Variants in PCDH9 observed in about 807,000 individuals in gnomAD.
PCDH9 encodes the protein protocadherin 9, also known as protocadherin-9.
A neutral mutation model predicts 70.6 loss-of-function variants in PCDH9; 24 were observed. The observed-to-expected ratio is 0.34, with a 90% CI of 0.25 to 0.48. The LOEUF (loss-of-function observed/expected upper bound fraction) is 0.48, where lower values mean the gene tolerates loss of function less well. PCDH9 is among the 20% of genes least tolerant of loss of function. The pLI, the probability that PCDH9 is intolerant of heterozygous loss-of-function variation, is 0.99. For synonymous variants in PCDH9, 562 were observed against 558.5 expected (o/e 1.01, Z -0.09); for missense variants, 1,281 against 1,503.6 (o/e 0.85, Z 2.45).
In PCDH9 at chr13:66,453,709, G is replaced by C. The variant is rs111295425; in HGVS notation, c.3341-148681C>G. On this transcript the variant is annotated intron_variant, in intron 4 of 4. Coordinates refer to ENST00000377865, the MANE Select transcript of PCDH9 (RefSeq NM_203487.3). ...GTTTCTGCAGTAGTATAAGGCCCAG[G>C]CTGGACTAATCAAATTCCTTCTAGG... 7.8e-3 allele frequency among the ~76,000 whole-genome samples: 1,183 copies of C among 152,190 alleles called. 6 individuals carry two copies. Among genetic ancestry groups the C allele is most frequent in the Non-Finnish European group, 0.01 (685 of 68,004 alleles).
intron 2 of PCDH9, among the ~76,000 whole-genome samples, chr13:66,935,924 CA>C (rs940170593): frequency 3.8e-4 from 55 of 144,598 alleles, no homozygotes; most frequent in Non-Finnish European, 3.1e-4. Flanking sequence ...ACTAAAAATA[CA>C]AAAAAAAAAA....
Position 67,230,071 on chromosome 13 carries a change from T to A in PCDH9, c.-427A>T, listed in dbSNP as rs181407215. On this transcript the variant is annotated 5_prime_UTR_variant, in exon 1 of 5. Coordinates refer to ENST00000377865, the MANE Select transcript of PCDH9 (RefSeq NM_203487.3). ...CAACACATAGTTGCACTTCTTCAGCTCAGGGATATTTTCCACAGCAGCATG... is the reference window on the plus strand; with the variant it reads ...CAACACATAGTTGCACTTCTTCAGCACAGGGATATTTTCCACAGCAGCATG... 1.3e-5 allele frequency: 2 copies of A among 152,390 alleles called. No homozygotes were observed. The highest frequency in any genetic ancestry group is 3.9e-4 in the East Asian group (2 of 5,176). 9.4% of individuals were successfully genotyped at this position (152,390 alleles called of 1,614,324 possible).
intron 2 of PCDH9, chr13:67,209,759 A>G (rs1218376715): frequency 1.3e-5 from 2 of 152,092 alleles, no homozygotes; most frequent in African/African-American, 2.4e-5. Context: ...CCATGTAACC[A>G]AATAACACCG....
At chr13:67,093,871 T>TTCTAGTTTTA (rs1302363653) in intron 2 of PCDH9, among the ~76,000 whole-genome samples, 1 of 152,160 alleles carries the variant, frequency 6.6e-6, no homozygotes, top group African/African-American at 2.4e-5. Context: ...CAATTTTTCT[T>TTCTAGTTTTA]GGTAAATTTA....
At chr13:66,557,942 A>G (rs1410930144) in intron 4 of PCDH9, among the ~76,000 whole-genome samples, 1 of 152,202 alleles carries the variant, frequency 6.6e-6, no homozygotes, top group Non-Finnish European at 1.5e-5. Flanking sequence ...GCTTCAGGCC[A>G]GGAGTTTGGA....
rs118180094 is a variant in PCDH9 at position 66,555,498 on chromosome 13, T to A, written c.3340+75712A>T. ...CCTACTTCAGATTTGTGTTATTTCTTTTAACCTCCCTCTTGAAAGTATTTA... is the reference window on the plus strand; with the variant it reads ...CCTACTTCAGATTTGTGTTATTTCTATTAACCTCCCTCTTGAAAGTATTTA... On this transcript the variant is annotated intron_variant, in intron 4 of 4. Coordinates refer to ENST00000377865, the MANE Select transcript of PCDH9 (RefSeq NM_203487.3). Among the ~76,000 whole-genome samples the A allele has an allele frequency of 4.4e-3, 666 of 152,218 alleles. 26 individuals are homozygous for A. In the East Asian group the frequency reaches 0.085, roughly 19 times the overall value.
intron 2 of PCDH9, among the ~76,000 whole-genome samples, chr13:67,098,926 A>G (rs978582604): frequency 2.0e-5 from 3 of 152,224 alleles, no homozygotes; most frequent in Non-Finnish European, 2.9e-5. Flanking sequence ...AGTTTTCTAG[A>G]AGTGATATAG....
intron 2 of PCDH9, among the ~76,000 whole-genome samples, chr13:66,932,063 C>T (rs1006286226): frequency 2.0e-5 from 3 of 152,044 alleles, no homozygotes; most frequent in African/African-American, 7.2e-5. Context: ...GCCAAATGGA[C>T]ACAGACATTA....
At chr13:66,350,395 C>A (rs1956275780) in intron 4 of PCDH9, among the ~76,000 whole-genome samples, 1 of 152,144 alleles carries the variant, frequency 6.6e-6, no homozygotes, top group South Asian at 2.1e-4. Context: ...AGCAAACACT[C>A]TCTTGGAGTT....
chr13:67,090,479 T>C (rs1393936523), intron 2 of PCDH9, among the ~76,000 whole-genome samples: 2 of 151,992 alleles, frequency 1.3e-5, no homozygotes, highest in African/African-American at 4.8e-5. Flanking sequence ...AAAATAAAGA[T>C]GGTGTTTTTT....
chr13:66,889,064 G>A (rs576825160), intron 3 of PCDH9, among the ~76,000 whole-genome samples: 12 of 152,188 alleles, frequency 7.9e-5, no homozygotes, highest in Non-Finnish European at 1.6e-4. Context: ...CTGCCTGTGC[G>A]GTTGAGATGT....
At chr13:66,483,872 T>C (rs9540770) in intron 4 of PCDH9, among the ~76,000 whole-genome samples, 53,725 of 151,910 alleles carry the variant, frequency 0.35, 9,858 homozygotes, top group African/African-American at 0.45. Flanking sequence ...AGCGGGCAGA[T>C]ACAGAAAGGG....
At chr13:67,225,341 G>T in intron 2 of PCDH9, 64 bp downstream of exon 2, 1 of 1,509,460 alleles carries the variant, frequency 6.6e-7, no homozygotes, top group Non-Finnish European at 9.2e-7. Flanking sequence ...ATACTGGCAC[G>T]TTAATACTGG....
At chr13:67,034,310 A>G (rs1007536400) in intron 2 of PCDH9, among the ~76,000 whole-genome samples, 2 of 152,150 alleles carry the variant, frequency 1.3e-5, no homozygotes, top group African/African-American at 4.8e-5. Flanking sequence ...TTTATAAATA[A>G]AAGGGACAGT....
chr13:66,430,509 T>C (rs1326297981), intron 4 of PCDH9, among the ~76,000 whole-genome samples: 1 of 151,950 alleles, frequency 6.6e-6, no homozygotes, highest in Non-Finnish European at 1.5e-5. Context: ...AGTGAAGCAA[T>C]AACATAGTAT....
intron 4 of PCDH9, among the ~76,000 whole-genome samples, chr13:66,614,551 C>T (rs1007274949): frequency 3.9e-5 from 6 of 152,106 alleles, no homozygotes; most frequent in African/African-American, 1.2e-4. Flanking sequence ...TTTTAACACT[C>T]GAACATTTAA....
chr13:66,430,607 A>AG (rs1235967464), intron 4 of PCDH9, among the ~76,000 whole-genome samples: 2 of 152,048 alleles, frequency 1.3e-5, no homozygotes, highest in African/African-American at 4.8e-5. Context: ...ACATGGTGAG[A>AG]GGGTCCTGCC....
intron 4 of PCDH9, among the ~76,000 whole-genome samples, chr13:66,497,189 T>C (rs4884675): frequency 0.98 from 149,142 of 151,922 alleles, 73,269 homozygotes; most frequent in East Asian, 1. Context: ...TTGCCTCAAC[T>C]TCCCAAATAG....
chr13:67,116,911 C>G (rs946095879), intron 2 of PCDH9, among the ~76,000 whole-genome samples: 7 of 152,084 alleles, frequency 4.6e-5, no homozygotes, highest in African/African-American at 1.7e-4. Flanking sequence ...AATGTTGTCT[C>G]TCAGGGAATT....
Sources: allele counts gnomAD v4.1 joint callset (sites outside exome capture counted in the v4.1 genomes callset), GRCh38; gene constraint gnomAD v4.1.1; transcripts MANE v1.5; gene names NCBI Gene and HGNC (gene_info 2026-07-23, HGNC 2026-07-21).